Variants in ACTN2 observed in about 807,000 individuals in gnomAD.
ACTN2 encodes alpha-actinin-2.
ACTN2 carries 39 observed loss-of-function variants against 113.8 expected under a neutral mutation model. The observed-to-expected ratio is 0.34, with a 90% CI of 0.27 to 0.45. ACTN2 has a LOEUF of 0.45. ACTN2 is among the 20% of genes least tolerant of loss of function. ACTN2 has a pLI of 1.00. For synonymous variants in ACTN2, 429 were observed against 444.1 expected (o/e 0.97, Z 0.43); for missense variants, 992 against 1,177.9 (o/e 0.84, Z 2.31).
At chr1:236,759,330 C>T (rs1468516083) in intron 18 of ACTN2, among the ~76,000 whole-genome samples, 1 of 152,194 alleles carries the variant, frequency 6.6e-6, no homozygotes, top group Non-Finnish European at 1.5e-5. Context: ...TGATTTGAAT[C>T]CAAGATGATC....
chr1:236,749,758 G>A (rs1659340827), intron 14 of ACTN2, among the ~76,000 whole-genome samples: 1 of 152,254 alleles, frequency 6.6e-6, no homozygotes, highest in South Asian at 2.1e-4. Context: ...CCAAGATCAC[G>A]CCATTGGACT....
At chr1:236,702,381 G>A (rs146866701) in intron 1 of ACTN2, among the ~76,000 whole-genome samples, 140 of 152,210 alleles carry the variant, frequency 9.2e-4, no homozygotes, top group African/African-American at 3.0e-3. Flanking sequence ...AAATAATTGC[G>A]TAAGAAATAC....
In ACTN2 at chr1:236,753,959, G is replaced by A. The variant is rs1178612038; in HGVS notation, c.1852G>A (p.Val618Met). The change falls in exon 16 of 21, where the codon GTG becomes ATG. Residue 618 changes from valine (V) to methionine (M), a missense_variant. Transcript: ENST00000366578. ...RTKWDKVKQL[V>M]PIRDQSLQEE... is the part of the protein sequence containing the mutation. ...TGGGCCCTGACAGGTGAAGCAACTC[G>A]TGCCCATCCGCGATCAATCCCTGCA... 5.6e-6 allele frequency: 9 copies of A among 1,599,864 alleles called. No homozygotes were observed. Among genetic ancestry groups the A allele is most frequent in the Middle Eastern group, 1.7e-4 (1 of 5,986 alleles).
chr1:236,687,868 G>C (rs1462309726), intron 1 of ACTN2, among the ~76,000 whole-genome samples: 1 of 152,196 alleles, frequency 6.6e-6, no homozygotes, highest in Non-Finnish European at 1.5e-5. Flanking sequence ...AAATAACCAA[G>C]CACTATTTTT....
intron 14 of ACTN2, among the ~76,000 whole-genome samples, chr1:236,749,913 G>A (rs12143369): frequency 3.9e-5 from 6 of 152,078 alleles, no homozygotes; most frequent in Admixed American, 2.6e-4. Context: ...AAGTGTACTA[G>A]CTGCTGAGTT....
At chr1:236,703,963 C>G (rs1326734452) in intron 1 of ACTN2, among the ~76,000 whole-genome samples, 1 of 152,060 alleles carries the variant, frequency 6.6e-6, no homozygotes, top group East Asian at 1.9e-4. Context: ...ACTTTAGCTT[C>G]TTGATAAATG....
chr1:236,691,172 T>C (rs1035991468), intron 1 of ACTN2, among the ~76,000 whole-genome samples: 32 of 151,936 alleles, frequency 2.1e-4, no homozygotes, highest in East Asian at 1.8e-3. Context: ...TCCCATCTCC[T>C]GACCTTGTGA....
intron 7 of ACTN2, among the ~76,000 whole-genome samples, chr1:236,732,146 A>C (rs1234485221): frequency 6.6e-6 from 1 of 152,232 alleles, no homozygotes; most frequent in East Asian, 1.9e-4. Flanking sequence ...TCAGTCGTCA[A>C]TCTTCCATTC....
At chr1:236,690,633 C>T (rs183854978) in intron 1 of ACTN2, among the ~76,000 whole-genome samples, 1 of 152,268 alleles carries the variant, frequency 6.6e-6, no homozygotes, top group Admixed American at 6.5e-5. Context: ...TGTAAATGTT[C>T]AAATATTATT....
At chr1:236,739,259 G>T in intron 9 of ACTN2, 43 bp from the exon 10 acceptor site, 1 of 1,587,928 alleles carries the variant, frequency 6.3e-7, no homozygotes, top group South Asian at 1.1e-5. Flanking sequence ...GGGGGAGGGG[G>T]CTTGCTGGTG....
In ACTN2 at chr1:236,742,900, T is replaced by C; in HGVS notation, c.1112T>C (p.Ile371Thr). ...CTTGGCTTCCAACCATCCCAGGATA[T>C]TGCTGGTGCCTGGCAGAGGCTGGAG... is the stretch of plus-strand genomic sequence containing the variant. ...MPSEGKMVSD[I>T]AGAWQRLEQA... The change falls in exon 11 of 21, where the codon ATT becomes ACT. Residue 371 changes from isoleucine to threonine, a missense_variant. Around this residue, in one of 3 missense-constraint regions of ACTN2, gnomAD observed 736 missense variants for 815.4 expected, o/e 0.90. Coordinates refer to ENST00000366578, the MANE Select transcript of ACTN2 (RefSeq NM_001103.4). 6.2e-7 allele frequency: 1 copy of C among 1,614,222 alleles called. No homozygotes were observed. Among genetic ancestry groups the C allele is most frequent in the Non-Finnish European group, 8.5e-7 (1 of 1,180,044 alleles).
intron 9 of ACTN2, among the ~76,000 whole-genome samples, chr1:236,738,766 A>G (rs920473321): frequency 2.0e-5 from 3 of 152,234 alleles, no homozygotes; most frequent in Admixed American, 6.5e-5. Context: ...CGCTTTTATC[A>G]TGCAGATTTA....
At chr1:236,727,818 T>C in intron 6 of ACTN2, 62 bp downstream of exon 6, 1 of 1,529,036 alleles carries the variant, frequency 6.5e-7, no homozygotes. Flanking sequence ...GTCCTGCAAA[T>C]GAGCACATCA....
chr1:236,727,183 A>G (rs1476767608), intron 5 of ACTN2, among the ~76,000 whole-genome samples: 3 of 36,650 alleles, frequency 8.2e-5, no homozygotes, highest in Non-Finnish European at 1.4e-4. Flanking sequence ...AAAAAAGAAA[A>G]AGAAAAAAAA....
At chr1:236,732,514 C>A (rs1395239553) in intron 7 of ACTN2, among the ~76,000 whole-genome samples, 2 of 151,646 alleles carry the variant, frequency 1.3e-5, no homozygotes, top group African/African-American at 2.4e-5. Flanking sequence ...GGGATCTGGG[C>A]TCACTGCAAC....
chr1:236,737,029 C>T lies in ACTN2; in HGVS notation c.784-93C>T, dbSNP rs565673135. ...TCTGCACCGTCTACAGCACGCCACC[C>T]TCCTCGTCCCCTCTCATCACCCACC... On this transcript the variant is annotated intron_variant, in intron 8 of 20. Transcript: ENST00000366578. 2.8e-4 allele frequency: 289 copies of T among 1,046,326 alleles called. 5 individuals are homozygous for T. In the South Asian group the frequency reaches 3.2e-3, roughly 12 times the overall value. The allele number at this position is 1,046,326 out of a possible 1,614,324, so 64.8% of individuals were successfully genotyped here. A position where few individuals can be genotyped will look rare whatever the true frequency, so the allele number is the denominator to read the frequency against.
chr1:236,749,348 G>A (rs1659328689), intron 14 of ACTN2, 84 bp downstream of exon 14: 4 of 1,566,154 alleles, frequency 2.6e-6, no homozygotes, highest in Middle Eastern at 1.7e-4. Flanking sequence ...TTGGTTTCTT[G>A]TTTTCTTGCT....
rs777117450 is a variant in ACTN2 at position 236,749,215 on chromosome 1, T to C, written c.1607T>C (p.Met536Thr). 1 of 1,614,198 alleles carries C rather than the reference T, an allele frequency of 6.2e-7. No individual in the cohort carries two copies. Among genetic ancestry groups the C allele is most frequent in the Non-Finnish European group, 8.5e-7 (1 of 1,180,032 alleles). Residue 536 changes from methionine (M) to threonine (T), a missense_variant, in exon 14 of 21, where the codon ATG (methionine) becomes ACG (threonine). By Grantham distance (81) the Met-to-Thr change is moderately conservative (BLOSUM62 -1). Transcript: ENST00000366578. The stretch of plus-strand genomic sequence containing the variant: ...TTCAACAATTGGATGGAGGGCGCTA[T>C]GGAGGATCTGCAAGATATGTTCATT... The part of the protein sequence containing the change: ...APFNNWMEGA[M>T]EDLQDMFIVH...
rs1210479277 is a variant in ACTN2, at chr1:236,686,748, G to A, written c.75G>A (p.Glu25=). ...DEDEYMIQEE[E]WDRDLLLDPA... is the part of the protein sequence containing the mutation. ...ATGAGTACATGATCCAGGAGGAGGAGTGGGACCGCGACCTGCTCCTGGACC... is the reference window on the plus strand; with the variant it reads ...ATGAGTACATGATCCAGGAGGAGGAATGGGACCGCGACCTGCTCCTGGACC... The change falls in exon 1 of 21, where the codon GAG becomes GAA. Residue 25 remains glutamate (E), a synonymous_variant. Coordinates refer to ENST00000366578, the MANE Select transcript of ACTN2 (RefSeq NM_001103.4). The A allele has an allele frequency of 6.4e-7, 1 of 1,554,010 alleles. No individual in the cohort carries two copies.
Sources: gnomAD v4.1 joint callset for allele counts (sites outside exome capture counted in the v4.1 genomes callset) on GRCh38, gnomAD v4.1.1 for gene constraint, gnomAD v4.1.1 regional missense constraint, MANE v1.5 for transcripts, NCBI Gene and HGNC (gene_info 2026-07-23, HGNC 2026-07-21) for gene names.